The following FLT3 variants were observed in gnomAD, a reference collection of about 807,000 sequenced individuals.
FLT3 encodes fms related receptor tyrosine kinase 3.
Under a neutral mutation model 126.6 loss-of-function variants are expected in FLT3, and 46 were observed. The observed-to-expected ratio is 0.36, with a 90% CI of 0.29 to 0.46. FLT3 has a LOEUF of 0.46. FLT3 is among the 20% of genes least tolerant of loss of function. FLT3 has a pLI of 1.00. For synonymous variants in FLT3, 404 were observed against 434.4 expected (o/e 0.93, Z 0.87); for missense variants, 1,069 against 1,190.3 (o/e 0.90, Z 1.50).
chr13:28,067,828 C>T (rs1265981968), intron 2 of FLT3: 1 of 247,364 alleles, frequency 4.0e-6, no homozygotes, highest in African/African-American at 2.3e-5. Context: ...AGAAAACCAA[C>T]CAACAAACAA....
In FLT3 at chr13:28,024,125, T is replaced by C. The variant is rs552267115; in HGVS notation, c.2291-648A>G. On this transcript the variant is annotated intron_variant, in intron 18 of 23. Coordinates refer to ENST00000241453, the MANE Select transcript of FLT3 (RefSeq NM_004119.3). ...TTCTTCCATTTACTCCTTCCTTTTTTTTTCTTTCTTTCTTTTTTTTTTTTG... is the reference window on the plus strand; with the variant it reads ...TTCTTCCATTTACTCCTTCCTTTTTCTTTCTTTCTTTCTTTTTTTTTTTTG... 4.7e-5 allele frequency among the ~76,000 whole-genome samples: 7 copies of C among 147,584 alleles called. No homozygotes were observed. In the East Asian group the frequency reaches 1.4e-3, roughly 29 times the overall value.
chr13:28,022,127 T>A (rs1872449098), intron 19 of FLT3, among the ~76,000 whole-genome samples: 1 of 152,032 alleles, frequency 6.6e-6, no homozygotes, highest in South Asian at 2.1e-4. Context: ...AGTTTCCAAC[T>A]CCTGGGCTCA....
intron 20 of FLT3, among the ~76,000 whole-genome samples, chr13:28,016,378 C>T (rs1206327901): frequency 1.3e-5 from 2 of 152,030 alleles, no homozygotes; most frequent in African/African-American, 4.8e-5. Flanking sequence ...TTAAGTGGTT[C>T]TCCTGCCTCA....
rs562899472 is a variant in FLT3, at chr13:28,047,685, C to T, written c.1205+590G>A. On this transcript the variant is annotated intron_variant, in intron 9 of 23. Coordinates refer to ENST00000241453, the MANE Select transcript of FLT3 (RefSeq NM_004119.3). Reference sequence around the variant, plus strand: ...CAATATTGCACCACTGCACTATAGCCTAGGTGACAGAGTGAGACCTCATCT... The same window carrying T: ...CAATATTGCACCACTGCACTATAGCTTAGGTGACAGAGTGAGACCTCATCT... Among the ~76,000 whole-genome samples the T allele has an allele frequency of 2.4e-3, 344 of 141,364 alleles. 5 individuals carry two copies. Among genetic ancestry groups the T allele is most frequent in the Middle Eastern group, 3.7e-3 (1 of 272 alleles). The allele number at this position is 141,364 out of a possible 152,430, so 92.7% of individuals were successfully genotyped here.
At chr13:28,005,069 C>T (rs1266797303) in intron 23 of FLT3, among the ~76,000 whole-genome samples, 3 of 152,224 alleles carry the variant, frequency 2.0e-5, no homozygotes, top group African/African-American at 7.2e-5. Flanking sequence ...GTGGCTCATG[C>T]CTGTAATCCC....
chr13:28,056,909 C>T (rs181922918), intron 4 of FLT3, among the ~76,000 whole-genome samples: 109 of 152,278 alleles, frequency 7.2e-4, no homozygotes, highest in African/African-American at 2.1e-3. Context: ...TATTGGATCA[C>T]GCTGAGACCT....
chr13:28,097,425 A>G (rs1306099037), intron 1 of FLT3, among the ~76,000 whole-genome samples: 3 of 151,930 alleles, frequency 2.0e-5, no homozygotes, highest in African/African-American at 7.2e-5. Context: ...ATTGTTTTTC[A>G]GTTTAAACAA....
Position 28,003,994 on chromosome 13 carries a change from A to T in FLT3, c.*58T>A, listed in dbSNP as rs749427960. On this transcript the variant is annotated 3_prime_UTR_variant, in exon 24 of 24. Coordinates refer to ENST00000241453, the MANE Select transcript of FLT3 (RefSeq NM_004119.3). ...TGATGAAATTAATCTTGTTTTGGTA[A>T]TCTACAGCCTGTTAGGGATAGGTGG... 3.9e-5 allele frequency: 62 copies of T among 1,589,972 alleles called. No homozygotes were observed. Among genetic ancestry groups the T allele is most frequent in the Non-Finnish European group, 8.6e-7 (1 of 1,160,358 alleles).
chr13:28,018,099 A>G (rs945260258), intron 20 of FLT3, among the ~76,000 whole-genome samples: 3 of 152,222 alleles, frequency 2.0e-5, no homozygotes, highest in African/African-American at 7.2e-5. Context: ...TATTGTGACT[A>G]TTAGCTTTTC....
intron 1 of FLT3, among the ~76,000 whole-genome samples, chr13:28,072,255 A>G (rs762334715): frequency 8.6e-5 from 13 of 151,854 alleles, no homozygotes; most frequent in Non-Finnish European, 1.8e-4. Context: ...ACATATAAGT[A>G]TATACACATA....
intron 9 of FLT3, among the ~76,000 whole-genome samples, chr13:28,043,682 A>G (rs936342889): frequency 2.0e-5 from 3 of 152,204 alleles, no homozygotes; most frequent in Non-Finnish European, 4.4e-5. Context: ...AACTTTCTAT[A>G]ATAAAAAGTC....
rs777024583 is a variant in FLT3, at chr13:28,023,416, T to C, written c.2352A>G (p.Thr784=). Residue 784 remains threonine (T), a synonymous_variant, in exon 19 of 24, where the codon ACA becomes ACG. Coordinates refer to ENST00000241453, the MANE Select transcript of FLT3 (RefSeq NM_004119.3). ...ATGCAAAGCAAAGAAGATCTTCAAA[T>C]GTAAGCACATTCAAGTCCTCCTCTT... is the stretch of plus-strand genomic sequence containing the variant. ...LEEEEDLNVL[T]FEDLLCFAYQ... is the part of the protein sequence containing the mutation. 1.2e-6 allele frequency: 2 copies of C among 1,613,972 alleles called. No individual in the cohort carries two copies. The highest frequency in any genetic ancestry group is 8.5e-7 in the Non-Finnish European group (1 of 1,179,846).
chr13:28,071,363 A>G (rs1181357531), intron 1 of FLT3, among the ~76,000 whole-genome samples: 2 of 151,948 alleles, frequency 1.3e-5, no homozygotes, highest in African/African-American at 4.8e-5. Flanking sequence ...CTTTGAAACC[A>G]CAGCACTAAA....
intron 15 of FLT3, among the ~76,000 whole-genome samples, chr13:28,030,279 C>T (rs1441488624): frequency 1.3e-5 from 2 of 152,196 alleles, no homozygotes; most frequent in African/African-American, 2.4e-5. Flanking sequence ...TTCAGCTTCA[C>T]GCTGGACAGG....
chr13:28,036,953 G>A (rs992007999), intron 10 of FLT3, among the ~76,000 whole-genome samples: 28 of 152,210 alleles, frequency 1.8e-4, no homozygotes, highest in African/African-American at 3.9e-4. Context: ...CCCAGCCTGC[G>A]TGGTAGAGTG....
chr13:28,020,563 T>A (rs1593222831), intron 19 of FLT3, among the ~76,000 whole-genome samples: 1 of 152,066 alleles, frequency 6.6e-6, no homozygotes, highest in South Asian at 2.1e-4. Flanking sequence ...GCCAGGCTGG[T>A]CTTGAACTCT....
At chr13:28,055,837 C>G (rs1049403737) in intron 4 of FLT3, among the ~76,000 whole-genome samples, 1 of 151,990 alleles carries the variant, frequency 6.6e-6, no homozygotes, top group Non-Finnish European at 1.5e-5. Context: ...CAAGAAACGT[C>G]CTAGCTTCAT....
chr13:28,061,925 G>A lies in FLT3; in HGVS notation c.310C>T (p.Leu104Phe), dbSNP rs781258193. Reference sequence around the variant, plus strand: ...AGGGAGCTGTGCTTAAAGACCCAGAGACAGGAAATGTTCCCTGGGGCGTCG... The same window carrying A: ...AGGGAGCTGTGCTTAAAGACCCAGAAACAGGAAATGTTCCCTGGGGCGTCG... ...LVDAPGNISC[L>F]WVFKHSSLNC... The change falls in exon 3 of 24, where the codon CTC becomes TTC. Residue 104 changes from leucine to phenylalanine, a missense_variant. Physicochemically the swap from Leu to Phe is conservative, Grantham distance 22. Transcript: ENST00000241453. The A allele has an allele frequency of 6.2e-6, 10 of 1,614,106 alleles. No homozygotes were observed. In the South Asian group the frequency reaches 9.9e-5, roughly 16 times the overall value.
At chr13:28,014,942 TC>T (rs1257282958) in intron 22 of FLT3, among the ~76,000 whole-genome samples, 1 of 152,110 alleles carries the variant, frequency 6.6e-6, no homozygotes, top group Non-Finnish European at 1.5e-5. Flanking sequence ...ACACCTGTAA[TC>T]CCAGCACTTT....
Sources: gnomAD v4.1 joint callset for allele counts (sites outside exome capture counted in the v4.1 genomes callset) on GRCh38, gnomAD v4.1.1 for gene constraint, MANE v1.5 for transcripts, NCBI Gene and HGNC (gene_info 2026-07-23, HGNC 2026-07-21) for gene names.